DSE: variants seen among roughly 807,000 people sequenced by gnomAD.
DSE encodes the protein dermatan-sulfate epimerase.
DSE carries 36 observed loss-of-function variants against 84.4 expected under a neutral mutation model. That is an observed-to-expected ratio of 0.43 (90% CI 0.33 to 0.56). The LOEUF (loss-of-function observed/expected upper bound fraction) is 0.56. Among genes scored for constraint, DSE ranks in the 20% least tolerant of loss-of-function variants. The pLI is 0.06. For synonymous variants in DSE, 410 were observed against 430.1 expected, an observed-to-expected ratio of 0.95 and a Z score of 0.58; for missense variants, 862 against 1,169.6, an observed-to-expected ratio of 0.74 and a Z score of 3.84.
At position 116,271,884 on chromosome 6, in the gene DSE, A is replaced by T. The variant is rs144053113; in HGVS notation, c.-54+12917A>T. Among the ~76,000 whole-genome samples, 16 of 152,294 alleles carry T rather than the reference A, an allele frequency of 1.1e-4. No individual in the cohort carries two copies. In the East Asian group the frequency reaches 2.7e-3, roughly 26 times the overall value. On this transcript the variant is annotated intron_variant, in intron 2 of 3. Coordinates refer to the DSE transcript ENST00000430252. Reference sequence around the variant, plus strand: ...GCATAAATCTTAAATATATACTTGGACAAGTTTTGAAAAGTGGATACACCT... The same window carrying T: ...GCATAAATCTTAAATATATACTTGGTCAAGTTTTGAAAAGTGGATACACCT...
intron 2 of DSE, among the ~76,000 whole-genome samples, chr6:116,422,830 T>G (rs1783179769): frequency 6.6e-6 from 1 of 152,198 alleles, no homozygotes; most frequent in African/African-American, 2.4e-5. Flanking sequence ...TATCAACATA[T>G]AACATCTTTA....
rs77486984 is a variant in DSE at position 116,391,764 on chromosome 6, T to TAAA, written c.-53-7416_-53-7414dup. ...TGGGCAACAGAGCGAGACTCCGTCT[T>TAAA]AAAAAAAAAAAAAAAAAAAAGGAGC... On this transcript the variant is annotated intron_variant, in intron 1 of 5. Transcript: ENST00000644252. Among the ~76,000 whole-genome samples the TAAA allele has an allele frequency of 2.5e-3, 293 of 119,274 alleles. 2 individuals carry two copies. Among genetic ancestry groups the TAAA allele is most frequent in the African/African-American group, 7.9e-3 (253 of 32,002 alleles). 78.2% of individuals were successfully genotyped at this position (119,274 alleles called of 152,430 possible).
chr6:116,328,710 C>G (rs886544504), intron 2 of DSE, among the ~76,000 whole-genome samples: 7 of 152,154 alleles, frequency 4.6e-5, no homozygotes, highest in Non-Finnish European at 5.9e-5. Context: ...AATAAATCAA[C>G]AAACCACTTT....
At chr6:116,325,717 A>G (rs1776576734) in intron 2 of DSE, among the ~76,000 whole-genome samples, 1 of 152,192 alleles carries the variant, frequency 6.6e-6, no homozygotes, top group African/African-American at 2.4e-5. Context: ...TCTGACTTAT[A>G]GCAAGCATTC....
chr6:116,383,933 T>A (rs1483724846), intron 1 of DSE, among the ~76,000 whole-genome samples: 1 of 152,190 alleles, frequency 6.6e-6, no homozygotes, highest in African/African-American at 2.4e-5. Flanking sequence ...CATATTAAGT[T>A]TTTTTTAGCA....
intron 2 of DSE, among the ~76,000 whole-genome samples, chr6:116,313,728 A>G (rs1229476922): frequency 2.0e-5 from 3 of 152,204 alleles, no homozygotes; most frequent in Non-Finnish European, 1.5e-5. Flanking sequence ...ATTCCTATGT[A>G]TGTTTAATCA....
upstream of DSE, chr6:116,370,504 G>A: frequency 2.0e-6 from 2 of 986,092 alleles, no homozygotes; most frequent in Non-Finnish European, 2.4e-6. Flanking sequence ...CCGGTAGTAA[G>A]AGTCTTAACG....
At chr6:116,321,742 C>G (rs1776339090) in intron 2 of DSE, among the ~76,000 whole-genome samples, 1 of 152,156 alleles carries the variant, frequency 6.6e-6, no homozygotes, top group Non-Finnish European at 1.5e-5. Context: ...CCACCGCACT[C>G]CAGCCCGGGT....
chr6:116,263,366 CT>C (rs200486501), intron 2 of DSE, among the ~76,000 whole-genome samples: 34,014 of 147,568 alleles, frequency 0.23, 5,163 homozygotes, highest in East Asian at 0.64. Flanking sequence ...CCTTCTTTGT[CT>C]TTTTTTTTTT....
intron 2 of DSE, among the ~76,000 whole-genome samples, chr6:116,336,426 T>C (rs1373768078): frequency 6.6e-6 from 1 of 152,132 alleles, no homozygotes; most frequent in Non-Finnish European, 1.5e-5. Context: ...CCTACCTGAG[T>C]GATACATGGT....
intron 1 of DSE, among the ~76,000 whole-genome samples, chr6:116,396,275 C>T (rs916359795): frequency 2.0e-5 from 3 of 152,098 alleles, no homozygotes; most frequent in Admixed American, 6.5e-5. Flanking sequence ...CGAAACAGTC[C>T]GGTGTGATAT....
At chr6:116,367,443 T>C (rs1464920988), upstream of DSE, among the ~76,000 whole-genome samples, 1 of 152,220 alleles carries the variant, frequency 6.6e-6, no homozygotes, top group Non-Finnish European at 1.5e-5. Flanking sequence ...AAATTTAGTT[T>C]AATGAATTAA....
intron 2 of DSE, among the ~76,000 whole-genome samples, chr6:116,357,325 G>T (rs76004278): frequency 6.6e-6 from 1 of 151,940 alleles, no homozygotes. Context: ...GAGGTCAGGA[G>T]ATCGAGACCA....
chr6:116,420,998 A>T (rs902156970), intron 2 of DSE, among the ~76,000 whole-genome samples: 2 of 152,224 alleles, frequency 1.3e-5, no homozygotes, highest in Admixed American at 1.3e-4. Flanking sequence ...ATTGGTACAA[A>T]AATTTGGATT....
chr6:116,404,366 T>C (rs1267153892), intron 2 of DSE, among the ~76,000 whole-genome samples: 2 of 152,250 alleles, frequency 1.3e-5, no homozygotes, highest in African/African-American at 2.4e-5. Context: ...AGATCACTTA[T>C]TGTTCAAGCC....
At chr6:116,263,208 T>C (rs1176917770) in intron 2 of DSE, among the ~76,000 whole-genome samples, 1 of 152,184 alleles carries the variant, frequency 6.6e-6, no homozygotes, top group Admixed American at 6.5e-5. Context: ...GTCAGTGGTG[T>C]GTTAAAGTCT....
In DSE at chr6:116,326,993, G is replaced by T. The variant is rs549882203; in HGVS notation, c.-54+68026G>T. Among the ~76,000 whole-genome samples the T allele has an allele frequency of 2.6e-5, 4 of 152,316 alleles. No individual in the cohort carries two copies. The South Asian group carries it at 8.3e-4, about 32-fold the overall frequency. On this transcript the variant is annotated intron_variant, in intron 2 of 3. Coordinates refer to the DSE transcript ENST00000430252. The stretch of plus-strand genomic sequence containing the variant: ...ATTAACCTTCACCCATTAGGCTGTT[G>T]TTGGGGTCATTTGTATGATCTTCAA...
intron 2 of DSE, among the ~76,000 whole-genome samples, chr6:116,362,676 C>T (rs1305967132): frequency 6.6e-6 from 1 of 152,188 alleles, no homozygotes; most frequent in Admixed American, 6.5e-5. Flanking sequence ...GGTATTTTGT[C>T]ATGGCATCCC....
At chr6:116,286,517 A>G (rs1773915171) in intron 2 of DSE, among the ~76,000 whole-genome samples, 1 of 152,188 alleles carries the variant, frequency 6.6e-6, no homozygotes, top group African/African-American at 2.4e-5. Context: ...TCTTTTTATA[A>G]CAGATATCTT....
Sources: allele counts gnomAD v4.1 joint callset (sites outside exome capture counted in the v4.1 genomes callset), GRCh38; gene constraint gnomAD v4.1.1; transcripts MANE v1.5; gene names NCBI Gene and HGNC (gene_info 2026-07-23, HGNC 2026-07-21).